Variants in MAP3K4 observed in about 807,000 individuals in gnomAD.
MAP3K4 encodes the protein mitogen-activated protein kinase kinase kinase 4, also known as MAP three kinase 1.
A neutral mutation model predicts 185.6 loss-of-function variants in MAP3K4; 67 were observed. The ratio of observed to expected loss-of-function variants is 0.36; its 90% CI spans 0.30 to 0.44. The LOEUF is 0.44. Among genes scored for constraint, MAP3K4 ranks in the 20% least tolerant of loss-of-function variants. The probability of loss-of-function intolerance (pLI) is 1.00; values close to 1 mark genes in which losing one functional copy is unlikely to be tolerated. For synonymous variants in MAP3K4, 702 were observed against 710.4 expected (o/e 0.99, Z 0.19); for missense variants, 1,551 against 1,995.1 (o/e 0.78, Z 4.24).
chr6:161,055,682 T>C (rs1258439539), intron 3 of MAP3K4, among the ~76,000 whole-genome samples: 1 of 152,228 alleles, frequency 6.6e-6, no homozygotes, highest in Non-Finnish European at 1.5e-5. Flanking sequence ...TTGTCTGATA[T>C]GTTCTCATGA....
chr6:161,111,245 G>T (rs1778336968), intron 23 of MAP3K4, among the ~76,000 whole-genome samples: 1 of 152,200 alleles, frequency 6.6e-6, no homozygotes, highest in Non-Finnish European at 1.5e-5. Context: ...CTTAGTTGGA[G>T]CAATAATATC....
Position 161,086,691 on chromosome 6 carries a change from T to A in MAP3K4, c.2556+24T>A. On this transcript the variant is annotated intron_variant, in intron 9 of 26. Transcript: ENST00000392142. This position sits in a 1 kb window ranked among gnomAD's most constrained non-coding sequence, Gnocchi z 4.8. ...AGGTAAGTACTTCAAATGTTGTGAT[T>A]GAAACATTTTGCCTTTCCTTCTTTA... is the stretch of plus-strand genomic sequence containing the variant. 1 of 1,573,900 alleles carries A rather than the reference T, an allele frequency of 6.4e-7. No individual in the cohort carries two copies. Among genetic ancestry groups the A allele is most frequent in the East Asian group, 2.2e-5 (1 of 44,678 alleles).
Position 161,096,419 on chromosome 6 carries a change from G to A in MAP3K4, c.3428-661G>A, listed in dbSNP as rs1262785437. Among the ~76,000 whole-genome samples, 1 of 152,150 alleles carries A rather than the reference G, an allele frequency of 6.6e-6. No individual in the cohort carries two copies. The highest frequency in any genetic ancestry group is 1.5e-5 in the Non-Finnish European group (1 of 68,032). On this transcript the variant is annotated intron_variant, in intron 15 of 26. Transcript: ENST00000392142. The surrounding 1 kb of genome is among the most constrained non-coding windows in gnomAD (Gnocchi z 4.9). Reference sequence around the variant, plus strand: ...GGAGAGTAGGCAAAATATGACGCATGTCCACTAATACTGACATCTAGTTAT... The same window carrying A: ...GGAGAGTAGGCAAAATATGACGCATATCCACTAATACTGACATCTAGTTAT...
At chr6:161,083,861 G>A (rs140083944) in intron 6 of MAP3K4, among the ~76,000 whole-genome samples, 164 of 152,184 alleles carry the variant, frequency 1.1e-3, no homozygotes, top group African/African-American at 3.7e-3. Context: ...CTCCTCCTCC[G>A]ACAAGCCTAG....
rs886448395 is a variant in MAP3K4, at chr6:161,071,584, A to C, written c.1950+734A>C. On this transcript the variant is annotated intron_variant, in intron 4 of 26. Transcript: ENST00000392142. The surrounding 1 kb of genome is among the most constrained non-coding windows in gnomAD (Gnocchi z 4.6). ...ATGGTAAGACAAAGCATAGGTGAGC[A>C]GTGCAGATTGAGGAAAGGCAGGTGA... Among the ~76,000 whole-genome samples, 5 of 152,236 alleles carry C rather than the reference A, an allele frequency of 3.3e-5. No individual in the cohort carries two copies. The highest frequency in any genetic ancestry group is 7.3e-5 in the Non-Finnish European group (5 of 68,038).
At position 160,991,873 on chromosome 6, in the gene MAP3K4, T is replaced by C. The variant is rs532833960; in HGVS notation, c.-59T>C. On this transcript the variant is annotated 5_prime_UTR_variant, in exon 1 of 27. Transcript: ENST00000392142. This position sits in a 1 kb window ranked among gnomAD's most constrained non-coding sequence, Gnocchi z 5.7. ...TCACTCCCGCACTTCGGGGCTCCGGTGCCCCGCGCCAGGCTGCAGCTTACT... is the reference window on the plus strand; with the variant it reads ...TCACTCCCGCACTTCGGGGCTCCGGCGCCCCGCGCCAGGCTGCAGCTTACT... 1.5e-3 allele frequency: 2,192 copies of C among 1,437,400 alleles called. 32 individuals are homozygous for C. The African/African-American group carries it at 0.028, about 18-fold the overall frequency. The allele number at this position is 1,437,400 out of a possible 1,614,324, so 89.0% of individuals were successfully genotyped here.
At position 161,106,713 on chromosome 6, in the gene MAP3K4, A is replaced by T; in HGVS notation, c.4048+8A>T. ...AAAGAGGAAACAAAATTGGTAAGGAAATTAAGGAGCATGATGTCAAGATAG... is the reference window on the plus strand; with the variant it reads ...AAAGAGGAAACAAAATTGGTAAGGATATTAAGGAGCATGATGTCAAGATAG... On this transcript the variant is annotated splice_region_variant and intron_variant, in intron 20 of 26. Coordinates refer to ENST00000392142, the MANE Select transcript of MAP3K4 (RefSeq NM_005922.4). The surrounding 1 kb of genome is among the most constrained non-coding windows in gnomAD (Gnocchi z 4.9). 1 of 1,603,698 alleles carries T rather than the reference A, an allele frequency of 6.2e-7. No individual in the cohort carries two copies.
In MAP3K4 at chr6:161,088,222, T is replaced by C. The variant is rs1382519700; in HGVS notation, c.2823+268T>C. Among the ~76,000 whole-genome samples the C allele has an allele frequency of 6.6e-6, 1 of 152,234 alleles. No homozygotes were observed. On this transcript the variant is annotated intron_variant, in intron 10 of 26. Coordinates refer to ENST00000392142, the MANE Select transcript of MAP3K4 (RefSeq NM_005922.4). The surrounding 1 kb of genome is among the most constrained non-coding windows in gnomAD (Gnocchi z 4.5). ...CTTAGTTCAGTCATGTAGTTAGATC[T>C]GTGGAGCTATGATCTAAAAGGAGTT...
At chr6:161,068,244 G>T (rs903996335) in intron 3 of MAP3K4, among the ~76,000 whole-genome samples, 1 of 152,156 alleles carries the variant, frequency 6.6e-6, no homozygotes, top group East Asian at 1.9e-4. Flanking sequence ...CATTTGCAAG[G>T]CACAAATACT....
At chr6:161,003,788 T>G (rs1278468544) in intron 1 of MAP3K4, among the ~76,000 whole-genome samples, 1 of 152,172 alleles carries the variant, frequency 6.6e-6, no homozygotes, top group Non-Finnish European at 1.5e-5. Flanking sequence ...AATAAGGATA[T>G]TTGGTTGTTT....
intron 1 of MAP3K4, among the ~76,000 whole-genome samples, chr6:161,024,168 G>A (rs1490229568): frequency 6.6e-6 from 1 of 151,938 alleles, no homozygotes; most frequent in East Asian, 1.9e-4. Flanking sequence ...TGTGTCTCAC[G>A]ATATTGCCCG....
Position 161,048,482 on chromosome 6 carries a change from A to G in MAP3K4, c.344-134A>G, listed in dbSNP as rs1783843770. ...TTTTGATTCCTTTAATTTTTAGGATATGGTATGCTTTTTTTTCTTCCATTA... is the reference window on the plus strand; with the variant it reads ...TTTTGATTCCTTTAATTTTTAGGATGTGGTATGCTTTTTTTTCTTCCATTA... On this transcript the variant is annotated intron_variant, in intron 2 of 26. Transcript: ENST00000392142. This position sits in a 1 kb window ranked among gnomAD's most constrained non-coding sequence, Gnocchi z 4.7. 2 of 609,322 alleles carry G rather than the reference A, an allele frequency of 3.3e-6. No individual in the cohort carries two copies. The highest frequency in any genetic ancestry group is 5.6e-6 in the Non-Finnish European group (2 of 359,732). 37.7% of individuals were successfully genotyped at this position (609,322 alleles called of 1,614,324 possible). A position where few individuals can be genotyped will look rare whatever the true frequency, so the allele number is the denominator to read the frequency against.
intron 23 of MAP3K4, among the ~76,000 whole-genome samples, chr6:161,111,251 A>G (rs1778337506): frequency 1.3e-5 from 2 of 152,228 alleles, no homozygotes; most frequent in Non-Finnish European, 2.9e-5. Flanking sequence ...TGGAGCAATA[A>G]TATCTTGCAG....
chr6:161,034,448 A>G lies in MAP3K4; in HGVS notation c.342A>G (p.Lys114=). The change falls in exon 2 of 27, where the codon AAA becomes AAG. Residue 114 remains lysine (K), a splice_region_variant and synonymous_variant. Coordinates refer to ENST00000392142, the MANE Select transcript of MAP3K4 (RefSeq NM_005922.4). The surrounding 1 kb of genome is among the most constrained non-coding windows in gnomAD (Gnocchi z 4.4). The part of the protein sequence containing the change: ...VGRPASRSNL[K]EKMNAPNQPP... ...GGCCAGCCAGTCGGTCTAATTTGAAAGGTGAGTCTTGTACTTGAAAAGAGG... is the reference window on the plus strand; with the variant it reads ...GGCCAGCCAGTCGGTCTAATTTGAAGGGTGAGTCTTGTACTTGAAAAGAGG... The G allele has an allele frequency of 1.2e-6, 2 of 1,613,540 alleles. No individual in the cohort carries two copies. The highest frequency in any genetic ancestry group is 8.5e-7 in the Non-Finnish European group (1 of 1,179,584).
In MAP3K4 at chr6:161,063,287, G is replaced by A. The variant is rs1483716202; in HGVS notation, c.1708-7321G>A. 6.6e-6 allele frequency among the ~76,000 whole-genome samples: 1 copy of A among 151,824 alleles called. No homozygotes were observed. Among genetic ancestry groups the A allele is most frequent in the African/African-American group, 2.4e-5 (1 of 41,304 alleles). ...TTCTTTTAGTTTATTTCAGAAATCGGTCTACAATTCTCATCTGCTTAGTGG... is the reference window on the plus strand; with the variant it reads ...TTCTTTTAGTTTATTTCAGAAATCGATCTACAATTCTCATCTGCTTAGTGG... On this transcript the variant is annotated intron_variant, in intron 3 of 26. Coordinates refer to ENST00000392142, the MANE Select transcript of MAP3K4 (RefSeq NM_005922.4). The surrounding 1 kb of genome is among the most constrained non-coding windows in gnomAD (Gnocchi z 5.4).
intron 1 of MAP3K4, among the ~76,000 whole-genome samples, chr6:161,020,583 G>A (rs1161415081): frequency 2.6e-5 from 4 of 151,378 alleles, no homozygotes; most frequent in South Asian, 2.1e-4. Flanking sequence ...ACTTGAACCC[G>A]GGGAGTGGAG....
At chr6:161,092,291 A>T (rs1001848229) in intron 13 of MAP3K4, 148 bp downstream of exon 13, 119 of 912,252 alleles carry the variant, frequency 1.3e-4, no homozygotes, top group Non-Finnish European at 5.0e-5. Context: ...TAATGGAAAA[A>T]TATGTAGAGA....
rs370807542 is a variant in MAP3K4 at position 161,087,698 on chromosome 6, C to A, written c.2567C>A (p.Pro856His). The A allele has an allele frequency of 2.7e-5, 43 of 1,613,888 alleles. No homozygotes were observed. The highest frequency in any genetic ancestry group is 3.5e-5 in the Non-Finnish European group (41 of 1,180,016). ...KSKQYVKVQI[P>H]GLENLQMFVP... Reference sequence around the variant, plus strand: ...TTATGTCTTTTGCAGGTGCAAATTCCTGGGTTAGAAAACTTGCAAATGTTT... The same window carrying A: ...TTATGTCTTTTGCAGGTGCAAATTCATGGGTTAGAAAACTTGCAAATGTTT... Residue 856 changes from proline (P) to histidine (H), a missense_variant, in exon 10 of 27, where the codon CCT becomes CAT. Coordinates refer to ENST00000392142, the MANE Select transcript of MAP3K4 (RefSeq NM_005922.4). The surrounding 1 kb of genome is among the most constrained non-coding windows in gnomAD (Gnocchi z 4.9).
rs1418523816 is a variant in MAP3K4 at position 161,088,169 on chromosome 6, TAAAC to T, written c.2823+216_2823+219del. On this transcript the variant is annotated intron_variant, in intron 10 of 26. Coordinates refer to ENST00000392142, the MANE Select transcript of MAP3K4 (RefSeq NM_005922.4). This position sits in a 1 kb window ranked among gnomAD's most constrained non-coding sequence, Gnocchi z 4.5. The stretch of plus-strand genomic sequence containing the variant: ...TTAAATTATACTGGAATACTTGAAA[TAAAC>T]CATCTATCTGGTTTATATCTTTTCT... Among the ~76,000 whole-genome samples, 1 of 152,212 alleles carries T rather than the reference TAAAC, an allele frequency of 6.6e-6. No homozygotes were observed. Among genetic ancestry groups the T allele is most frequent in the African/African-American group, 2.4e-5 (1 of 41,442 alleles).
Sources: allele counts gnomAD v4.1 joint callset (sites outside exome capture counted in the v4.1 genomes callset), GRCh38; gene constraint gnomAD v4.1.1; non-coding constraint Gnocchi (gnomAD v3.1); transcripts MANE v1.5; gene names NCBI Gene and HGNC (gene_info 2026-07-23, HGNC 2026-07-21).